Variants in MAGI2 observed in about 807,000 individuals in gnomAD.
MAGI2 encodes membrane-associated guanylate kinase, WW and PDZ domain-containing protein 2.
In MAGI2, 35 loss-of-function variants were observed where a neutral mutation model predicts 133.3. The observed-to-expected ratio is 0.26, with a 90% CI of 0.20 to 0.35. MAGI2 has a LOEUF of 0.35. Ranked by LOEUF, MAGI2 falls within the 10% of genes least tolerant of loss-of-function variation. The pLI, the probability that MAGI2 is intolerant of heterozygous loss-of-function variation, is 1.00. For synonymous variants in MAGI2, 729 were observed against 710.6 expected, an observed-to-expected ratio of 1.03 and a Z score of -0.41; for missense variants, 1,636 against 1,863.4, an observed-to-expected ratio of 0.88 and a Z score of 2.25.
chr7:79,178,002 A>C (rs1826262933), intron 1 of MAGI2, among the ~76,000 whole-genome samples: 1 of 152,022 alleles, frequency 6.6e-6, no homozygotes, highest in African/African-American at 2.4e-5. Flanking sequence ...ATAATCAACT[A>C]CTGAATGTAG....
At chr7:78,954,431 A>T (rs1802128356) in intron 2 of MAGI2, among the ~76,000 whole-genome samples, 1 of 152,174 alleles carries the variant, frequency 6.6e-6, no homozygotes, top group Non-Finnish European at 1.5e-5. Flanking sequence ...GCCACAGTTA[A>T]GGAGGTCAGG....
chr7:78,376,428 T>C (rs1794455714), intron 6 of MAGI2, among the ~76,000 whole-genome samples: 1 of 152,100 alleles, frequency 6.6e-6, no homozygotes, highest in Admixed American at 6.6e-5. Flanking sequence ...AAAGAAAAAC[T>C]AGCTGAGCTG....
At position 78,660,966 on chromosome 7, in the gene MAGI2, T is replaced by C. The variant is rs138127307; in HGVS notation, c.419-33727A>G. On this transcript the variant is annotated intron_variant, in intron 2 of 21. Coordinates refer to ENST00000354212, the MANE Select transcript of MAGI2 (RefSeq NM_012301.4). The stretch of plus-strand genomic sequence containing the variant: ...TCTTAACACCCAAGGGTTCTGAGAA[T>C]CTTGTTTCTTGAGACTCGTTTCCTT... 3.0e-3 allele frequency among the ~76,000 whole-genome samples: 450 copies of C among 152,270 alleles called. 1 individual carries two copies. The highest frequency in any genetic ancestry group is 9.6e-3 in the African/African-American group (398 of 41,552).
At chr7:78,813,344 C>T (rs1789240182) in intron 2 of MAGI2, among the ~76,000 whole-genome samples, 1 of 152,044 alleles carries the variant, frequency 6.6e-6, no homozygotes, top group African/African-American at 2.4e-5. Flanking sequence ...TATTCTACTG[C>T]AATCAAGTGA....
intron 7 of MAGI2, among the ~76,000 whole-genome samples, chr7:78,357,791 A>T (rs1394681590): frequency 1.3e-5 from 2 of 152,114 alleles, no homozygotes; most frequent in East Asian, 3.9e-4. Context: ...ACCTTCTCAA[A>T]CACAGAATGG....
intron 2 of MAGI2, among the ~76,000 whole-genome samples, chr7:78,786,791 C>T (rs555373183): frequency 6.6e-6 from 1 of 152,210 alleles, no homozygotes; most frequent in Non-Finnish European, 1.5e-5. Flanking sequence ...TTCAATTATT[C>T]ATCTTTTTTG....
At chr7:78,442,651 T>A (rs1049757688) in intron 6 of MAGI2, among the ~76,000 whole-genome samples, 5 of 152,218 alleles carry the variant, frequency 3.3e-5, no homozygotes, top group African/African-American at 1.2e-4. Flanking sequence ...TTATTTGCTC[T>A]CTCGGCTGTG....
At chr7:78,952,968 C>T (rs940117830) in intron 2 of MAGI2, among the ~76,000 whole-genome samples, 1 of 152,114 alleles carries the variant, frequency 6.6e-6, no homozygotes, top group African/African-American at 2.4e-5. Flanking sequence ...TTTGGACCTA[C>T]TAAAGTGAAA....
intron 1 of MAGI2, among the ~76,000 whole-genome samples, chr7:79,213,325 T>TAC (rs146529788): frequency 0.079 from 11,494 of 145,400 alleles, 477 homozygotes; most frequent in East Asian, 0.12. Flanking sequence ...CGTACACACG[T>TAC]ACACACACAC....
intron 10 of MAGI2, 131 bp downstream of exon 10, chr7:78,255,812 T>C (rs1476006683): frequency 1.1e-6 from 1 of 942,110 alleles, no homozygotes; most frequent in African/African-American, 1.8e-5. Flanking sequence ...TTTTTCTCTC[T>C]CACTCTTTAA....
At chr7:78,951,165 G>A (rs1334815623) in intron 2 of MAGI2, among the ~76,000 whole-genome samples, 1 of 151,868 alleles carries the variant, frequency 6.6e-6, no homozygotes, top group Non-Finnish European at 1.5e-5. Context: ...TAGGGATGGG[G>A]TTTCACCATG....
intron 2 of MAGI2, among the ~76,000 whole-genome samples, chr7:78,814,885 G>A (rs1275903935): frequency 6.6e-6 from 1 of 152,008 alleles, no homozygotes; most frequent in African/African-American, 2.4e-5. Context: ...ATCACACCAG[G>A]CTCTTTTTGT....
chr7:79,364,731 C>CA (rs1842586883), intron 1 of MAGI2, among the ~76,000 whole-genome samples: 2 of 151,700 alleles, frequency 1.3e-5, no homozygotes, highest in South Asian at 2.1e-4. Context: ...AAGGATCTGG[C>CA]AAAAAAACTG....
intron 1 of MAGI2, among the ~76,000 whole-genome samples, chr7:79,053,965 G>T (rs1483449501): frequency 6.6e-6 from 1 of 152,214 alleles, no homozygotes; most frequent in Non-Finnish European, 1.5e-5. Context: ...AGGAGGCTGA[G>T]GTGGGTGGAT....
intron 7 of MAGI2, chr7:78,348,313 T>G (rs2151197183): frequency 6.6e-6 from 1 of 152,304 alleles, no homozygotes; most frequent in East Asian, 1.9e-4. Flanking sequence ...AATAGCTACA[T>G]CACGGGTTGC....
intron 2 of MAGI2, among the ~76,000 whole-genome samples, chr7:78,978,977 A>C (rs1215365597): frequency 6.6e-6 from 1 of 151,864 alleles, no homozygotes; most frequent in Non-Finnish European, 1.5e-5. Context: ...TGGGATTGAA[A>C]GTAACAGCAG....
chr7:78,614,501 TA>T (rs1349687253), intron 3 of MAGI2: 1 of 152,174 alleles, frequency 6.6e-6, no homozygotes, highest in Non-Finnish European at 1.5e-5. Flanking sequence ...TCTGACTTCA[TA>T]AAAAACATTA....
chr7:78,306,514 G>C (rs965169205), intron 9 of MAGI2, among the ~76,000 whole-genome samples: 1 of 152,112 alleles, frequency 6.6e-6, no homozygotes, highest in Non-Finnish European at 1.5e-5. Context: ...TCTTGCCTTT[G>C]AAACTGTCAT....
intron 1 of MAGI2, among the ~76,000 whole-genome samples, chr7:79,334,710 C>T (rs958605441): frequency 2.0e-5 from 3 of 152,070 alleles, no homozygotes; most frequent in Non-Finnish European, 4.4e-5. Flanking sequence ...GCTTAGTTGA[C>T]AATTTAAATA....
Sources: allele counts gnomAD v4.1 joint callset (sites outside exome capture counted in the v4.1 genomes callset), GRCh38; gene constraint gnomAD v4.1.1; transcripts MANE v1.5; gene names NCBI Gene and HGNC (gene_info 2026-07-23, HGNC 2026-07-21).